Variants in AGBL4 observed in about 807,000 individuals in gnomAD.
The protein encoded by AGBL4 is cytosolic carboxypeptidase 6.
Under a neutral mutation model 66.4 loss-of-function variants are expected in AGBL4, and 58 were observed. The observed-to-expected ratio is 0.87, with a 90% CI of 0.71 to 1.09. The LOEUF is 1.09. Among genes scored for constraint, AGBL4 ranks in the 50% least tolerant of loss-of-function variants. The probability of loss-of-function intolerance (pLI) is 0.00; values close to 1 mark genes in which losing one functional copy is unlikely to be tolerated. For synonymous variants in AGBL4, 234 were observed against 222.9 expected (o/e 1.05, Z -0.44); for missense variants, 579 against 631.0 (o/e 0.92, Z 0.88).
chr1:49,290,964 CA>C (rs1644521825), intron 3 of AGBL4, among the ~76,000 whole-genome samples: 1 of 152,056 alleles, frequency 6.6e-6, no homozygotes, highest in African/African-American at 2.4e-5. Context: ...GCAGGAATAC[CA>C]CCACTGCACT....
intron 4 of AGBL4, among the ~76,000 whole-genome samples, chr1:49,147,385 A>G (rs1034486066): frequency 6.6e-6 from 1 of 152,106 alleles, no homozygotes; most frequent in Non-Finnish European, 1.5e-5. Context: ...TGTGTGCCCA[A>G]TTTCACACCA....
chr1:49,865,962 A>G (rs1244440521), intron 1 of AGBL4: 4 of 398,324 alleles, frequency 1.0e-5, no homozygotes, highest in South Asian at 7.6e-5. Context: ...TAATTTTGCA[A>G]CCACAAGTAT....
chr1:49,646,700 T>G (rs1047432708), intron 3 of AGBL4, among the ~76,000 whole-genome samples: 1 of 151,934 alleles, frequency 6.6e-6, no homozygotes, highest in Non-Finnish European at 1.5e-5. Flanking sequence ...CATATAAAAA[T>G]GCACAGAATC....
chr1:48,725,619 GAA>G (rs1330667165), intron 6 of AGBL4, among the ~76,000 whole-genome samples: 1 of 152,200 alleles, frequency 6.6e-6, no homozygotes, highest in Non-Finnish European at 1.5e-5. Context: ...ATCTTTCAGG[GAA>G]GAGGTAAAAG....
At chr1:49,033,822 CTTT>C (rs79769191) in intron 5 of AGBL4, among the ~76,000 whole-genome samples, 10 of 141,024 alleles carry the variant, frequency 7.1e-5, no homozygotes, top group Admixed American at 7.1e-5. Flanking sequence ...TTTTCCTTTT[CTTT>C]TTTTTTTTTT....
intron 3 of AGBL4, among the ~76,000 whole-genome samples, chr1:49,389,218 T>A (rs1271571139): frequency 6.6e-6 from 1 of 152,012 alleles, no homozygotes; most frequent in Non-Finnish European, 1.5e-5. Flanking sequence ...CTTGCTAGCC[T>A]GAAGGGAGAT....
At chr1:48,834,411 T>G (rs979338038) in intron 6 of AGBL4, among the ~76,000 whole-genome samples, 2 of 152,094 alleles carry the variant, frequency 1.3e-5, no homozygotes, top group Non-Finnish European at 2.9e-5. Flanking sequence ...GTGGTCTGAA[T>G]GTTTGTGTCC....
intron 1 of AGBL4, among the ~76,000 whole-genome samples, chr1:50,007,875 T>C (rs1442338132): frequency 6.6e-6 from 1 of 151,568 alleles, no homozygotes; most frequent in Non-Finnish European, 1.5e-5. Context: ...ACAGCAGAAG[T>C]TGGTATATTT....
chr1:49,113,202 G>A (rs1417486973), intron 4 of AGBL4, among the ~76,000 whole-genome samples: 6 of 151,758 alleles, frequency 4.0e-5, no homozygotes, highest in South Asian at 2.1e-4. Context: ...CACCCACCTC[G>A]GCCTCCCAAA....
Position 48,771,688 on chromosome 1 carries a change from G to A in AGBL4, c.634+95503C>T, listed in dbSNP as rs545760247. On this transcript the variant is annotated intron_variant, in intron 6 of 13. Coordinates refer to ENST00000371839, the MANE Select transcript of AGBL4 (RefSeq NM_032785.4). ...GTTGGCAGTTTCCCACTGATGACAC[G>A]CAACAATCTTTGCATATGAAATCGG... is the stretch of plus-strand genomic sequence containing the variant. Among the ~76,000 whole-genome samples the A allele has an allele frequency of 7.8e-4, 119 of 152,246 alleles. 3 individuals carry two copies. Among genetic ancestry groups the A allele is most frequent in the Non-Finnish European group, 1.2e-3 (82 of 68,038 alleles).
chr1:49,836,557 C>G (rs1645854836), intron 2 of AGBL4, among the ~76,000 whole-genome samples: 1 of 152,138 alleles, frequency 6.6e-6, no homozygotes, highest in South Asian at 2.1e-4. Context: ...TTATTACCCA[C>G]CTTCTGAAGC....
chr1:48,527,899 C>T (rs1643888501), downstream of AGBL4, among the ~76,000 whole-genome samples: 1 of 152,060 alleles, frequency 6.6e-6, no homozygotes, highest in Non-Finnish European at 1.5e-5. Context: ...AAAGAAGTAC[C>T]ATAAAATGGG....
At chr1:49,213,221 T>C (rs149606031) in intron 4 of AGBL4, among the ~76,000 whole-genome samples, 6 of 152,264 alleles carry the variant, frequency 3.9e-5, no homozygotes, top group Non-Finnish European at 7.4e-5. Flanking sequence ...GGAGAACAAA[T>C]TCATCCTTTC....
intron 4 of AGBL4, among the ~76,000 whole-genome samples, chr1:49,158,284 C>T (rs551644523): frequency 6.6e-6 from 1 of 152,168 alleles, no homozygotes; most frequent in South Asian, 2.1e-4. Flanking sequence ...GACTTCATGA[C>T]AAAAACACCA....
chr1:49,724,460 C>T (rs978178), intron 2 of AGBL4, among the ~76,000 whole-genome samples: 104,239 of 151,968 alleles, frequency 0.69, 36,503 homozygotes, highest in African/African-American at 0.78. Flanking sequence ...ATAGAGAAGA[C>T]TGACATTAAT....
At chr1:49,458,396 A>G (rs1416245039) in intron 3 of AGBL4, among the ~76,000 whole-genome samples, 2 of 151,664 alleles carry the variant, frequency 1.3e-5, no homozygotes, top group Non-Finnish European at 2.9e-5. Flanking sequence ...TGTGTGCACT[A>G]ATTTGGTATC....
At chr1:49,905,727 T>C (rs923741866) in intron 1 of AGBL4, among the ~76,000 whole-genome samples, 4 of 152,110 alleles carry the variant, frequency 2.6e-5, no homozygotes, top group Admixed American at 6.6e-5. Flanking sequence ...CACAGTCAGA[T>C]AGATTTTGGG....
intron 3 of AGBL4, among the ~76,000 whole-genome samples, chr1:49,688,627 C>T: frequency 6.6e-6 from 1 of 152,076 alleles, no homozygotes; most frequent in East Asian, 1.9e-4. Context: ...GGTAGCTCTA[C>T]AGATTTTTGA....
intron 12 of AGBL4, among the ~76,000 whole-genome samples, chr1:48,538,874 A>C (rs567116345): frequency 1.3e-5 from 2 of 152,342 alleles, no homozygotes; most frequent in South Asian, 4.1e-4. Flanking sequence ...GGGCATTGTC[A>C]TGTCCTTCAA....
Sources: gnomAD v4.1 joint callset for allele counts (sites outside exome capture counted in the v4.1 genomes callset) on GRCh38, gnomAD v4.1.1 for gene constraint, MANE v1.5 for transcripts, NCBI Gene and HGNC (gene_info 2026-07-23, HGNC 2026-07-21) for gene names.